UHRF1: variants seen among roughly 807,000 people sequenced by gnomAD.
The protein encoded by UHRF1 is E3 ubiquitin-protein ligase UHRF1.
In UHRF1, 9 loss-of-function variants were observed where a neutral mutation model predicts 96.5. The ratio of observed to expected loss-of-function variants is 0.09; its 90% CI spans 0.06 to 0.16. The LOEUF (loss-of-function observed/expected upper bound fraction) is 0.16. Among genes scored for constraint, UHRF1 ranks in the 10% least tolerant of loss-of-function variants. The pLI is 1.00. For missense variants in UHRF1, 626 were observed against 1,131.1 expected (o/e 0.55, Z 6.40); for synonymous variants, 455 against 469.9 (o/e 0.97, Z 0.41).
intron 9 of UHRF1, 142 bp from the exon 10 acceptor site, chr19:4,945,719 G>A (rs1035229058): frequency 1.1e-5 from 7 of 641,258 alleles, no homozygotes; most frequent in African/African-American, 3.7e-5. Flanking sequence ...AGCAGCACAC[G>A]TAGTAGGTGA....
intron 4 of UHRF1, among the ~76,000 whole-genome samples, chr19:4,931,909 C>T (rs17880308): frequency 6.6e-6 from 1 of 151,932 alleles, no homozygotes; most frequent in African/African-American, 2.4e-5. Flanking sequence ...TACAGGCGTG[C>T]ACCACTGCGC....
At chr19:4,941,085 G>GTTTTTTTTTTTTT (rs869250736) in intron 5 of UHRF1, among the ~76,000 whole-genome samples, 9 of 50,084 alleles carry the variant, frequency 1.8e-4, no homozygotes, top group African/African-American at 2.8e-4. Flanking sequence ...TCTGTGTTTT[G>GTTTTTTTTTTTTT]TTTTTTTTTT....
intron 7 of UHRF1, 129 bp from the exon 8 acceptor site, chr19:4,944,003 T>C (rs2033488045): frequency 7.0e-7 from 1 of 1,426,034 alleles, no homozygotes; most frequent in Admixed American, 2.2e-5. Context: ...CGGCCTGCAA[T>C]GTGGACAGGG....
At position 4,930,320 on chromosome 19, in the gene UHRF1, C is replaced by T. The variant is rs1381633794; in HGVS notation, c.409-396C>T. On this transcript the variant is annotated intron_variant, in intron 3 of 16. Coordinates refer to ENST00000650932, the MANE Select transcript of UHRF1 (RefSeq NM_001048201.3). This position sits in a 1 kb window ranked among gnomAD's most constrained non-coding sequence, Gnocchi z 4.4. ...ACAGCGTCTTACCATGTTGCCCAGG[C>T]TAGTCTTGAATTCCGGGGCTCAAGC... Among the ~76,000 whole-genome samples, 2 of 152,202 alleles carry T rather than the reference C, an allele frequency of 1.3e-5. No individual in the cohort carries two copies. Among genetic ancestry groups the T allele is most frequent in the Non-Finnish European group, 2.9e-5 (2 of 68,042 alleles).
At chr19:4,907,801 C>G (rs1380936913), upstream of UHRF1, among the ~76,000 whole-genome samples, 3 of 148,562 alleles carry the variant, frequency 2.0e-5, no homozygotes, top group Non-Finnish European at 4.5e-5. Flanking sequence ...CAACCTCTGC[C>G]TCCTGGGTTC....
intron 16 of UHRF1, 25 bp from the exon 17 acceptor site, chr19:4,960,632 C>T (rs2033963848): frequency 2.5e-6 from 4 of 1,609,780 alleles, no homozygotes; most frequent in Admixed American, 3.4e-5. Flanking sequence ...GATGGCACTT[C>T]TCACGCGCCT....
intron 5 of UHRF1, among the ~76,000 whole-genome samples, chr19:4,939,760 C>G (rs953685194): frequency 1.3e-5 from 2 of 152,182 alleles, no homozygotes; most frequent in African/African-American, 4.8e-5. Context: ...CGCAGTGGCT[C>G]ATGCCTGTAA....
intron 2 of UHRF1, among the ~76,000 whole-genome samples, chr19:4,927,610 G>C (rs2032915514): frequency 6.6e-6 from 1 of 152,032 alleles, no homozygotes; most frequent in East Asian, 1.9e-4. Context: ...CTTTTCCTAA[G>C]GTCTCTCTCC....
chr19:4,923,264 C>T (rs1568412094), intron 2 of UHRF1, among the ~76,000 whole-genome samples: 2 of 152,218 alleles, frequency 1.3e-5, no homozygotes, highest in Non-Finnish European at 2.9e-5. Flanking sequence ...CGTCTGGCCC[C>T]CTCCTGGCTC....
chr19:4,932,013 C>T (rs1342121350), intron 4 of UHRF1, among the ~76,000 whole-genome samples: 1 of 152,200 alleles, frequency 6.6e-6, no homozygotes, highest in African/African-American at 2.4e-5. Flanking sequence ...CTCACCGCAA[C>T]CTCTGCCTCC....
chr19:4,904,936 T>G (rs1226464808), upstream of UHRF1, among the ~76,000 whole-genome samples: 1 of 152,118 alleles, frequency 6.6e-6, no homozygotes, highest in African/African-American at 2.4e-5. Context: ...GTACCCATTC[T>G]CTAGCCTGGC....
intron 2 of UHRF1, among the ~76,000 whole-genome samples, chr19:4,918,551 A>G (rs1222045393): frequency 6.6e-6 from 1 of 151,330 alleles, no homozygotes; most frequent in African/African-American, 2.4e-5. Context: ...AGTAGCTGGG[A>G]CTACAGGCAT....
At chr19:4,934,281 G>A (rs1299356515) in intron 5 of UHRF1, among the ~76,000 whole-genome samples, 1 of 152,030 alleles carries the variant, frequency 6.6e-6, no homozygotes, top group Admixed American at 6.6e-5. Context: ...TGATTCGCCC[G>A]CCTCAGCCTC....
In UHRF1 at chr19:4,941,749, G is replaced by T. The variant is rs757748217; in HGVS notation, c.891G>T (p.Lys297Asn). The change falls in exon 7 of 17, where the codon AAG (lysine) becomes AAT (asparagine). Residue 297 changes from lysine (K) to asparagine (N), a missense_variant. This residue lies in a region of UHRF1 where 198 missense variants were observed against 235.1 expected (regional missense o/e 0.84). Transcript: ENST00000650932. ...ACCCTGCCGCCCCGTGCCCAGGGAA[G>T]AGCGGGCCGTCCTGCAAGCACTGCA... ...SPMVDNPMRR[K>N]SGPSCKHCKD... 3 of 1,545,112 alleles carry T rather than the reference G, an allele frequency of 1.9e-6. No individual in the cohort carries two copies. The Admixed American group carries it at 6.2e-5, about 32-fold the overall frequency.
intron 5 of UHRF1, among the ~76,000 whole-genome samples, chr19:4,940,035 A>AAAAAAC (rs2033343969): frequency 4.0e-5 from 6 of 151,690 alleles, no homozygotes; most frequent in African/African-American, 1.5e-4. Context: ...AAAAAAAAAA[A>AAAAAAC]AAACACATGG....
At chr19:4,928,731 C>T (rs548066644) in intron 2 of UHRF1, among the ~76,000 whole-genome samples, 13 of 152,262 alleles carry the variant, frequency 8.5e-5, no homozygotes, top group African/African-American at 2.9e-4. Context: ...CTGCAGGGTG[C>T]CGAGCAGCGT....
chr19:4,937,313 T>G (rs1048077458), intron 5 of UHRF1, among the ~76,000 whole-genome samples: 2 of 150,792 alleles, frequency 1.3e-5, no homozygotes, highest in South Asian at 4.2e-4. Context: ...TTTTTTTTTT[T>G]AACGACCCAT....
chr19:4,911,429 T>C (rs1378193147), intron 2 of UHRF1, among the ~76,000 whole-genome samples: 1 of 152,182 alleles, frequency 6.6e-6, no homozygotes, highest in Non-Finnish European at 1.5e-5. Flanking sequence ...TTTTCTTTTT[T>C]AAACATCCAC....
At chr19:4,941,259 T>G (rs1052179198) in intron 5 of UHRF1, among the ~76,000 whole-genome samples, 13 of 151,410 alleles carry the variant, frequency 8.6e-5, no homozygotes, top group Non-Finnish European at 1.5e-5. Flanking sequence ...CTCAGCTAAT[T>G]TTTGTATTTT....
Sources: allele counts gnomAD v4.1 joint callset (sites outside exome capture counted in the v4.1 genomes callset), GRCh38; gene constraint gnomAD v4.1.1; regional missense constraint gnomAD v4.1.1; non-coding constraint Gnocchi (gnomAD v3.1); transcripts MANE v1.5; gene names NCBI Gene and HGNC (gene_info 2026-07-23, HGNC 2026-07-21).